The following ITGA10 variants were observed in gnomAD, a reference collection of about 807,000 sequenced individuals.
ITGA10 encodes integrin subunit alpha 10.
A neutral mutation model predicts 145.2 loss-of-function variants in ITGA10; 105 were observed. The ratio of observed to expected loss-of-function variants is 0.72; its 90% confidence interval spans 0.62 to 0.85. The LOEUF (loss-of-function observed/expected upper bound fraction) is 0.85. Ranked by LOEUF, ITGA10 falls within the 40% of genes least tolerant of loss-of-function variation. The pLI is 0.00. For synonymous variants in ITGA10, 506 were observed against 557.8 expected, an observed-to-expected ratio of 0.91 and a Z score of 1.31; for missense variants, 1,317 against 1,444.5, an observed-to-expected ratio of 0.91 and a Z score of 1.43.
In ITGA10 at chr1:145,901,934, G is replaced by A. The variant is rs1227755319; in HGVS notation, c.1237C>T (p.Arg413Ter). The part of the protein sequence containing the change: ...LEGGHRLFPP[R>*]MALEDEFPPA... ...GGGAACTCGTCTTCCAGTGCCATTC[G>A]TGGGGGGAAAAGGCGGTGGCCTCCT... is the stretch of plus-strand genomic sequence containing the variant. The change falls in exon 11 of 30, where the codon CGA becomes TGA. Residue 413 changes from arginine (R) to a stop codon, truncating the protein, a stop_gained. Transcript: ENST00000369304. LOFTEE classifies it high-confidence loss of function. The surrounding 1 kb of genome is among the most constrained non-coding windows in gnomAD (Gnocchi z 4.3). The A allele has an allele frequency of 1.1e-5, 18 of 1,614,026 alleles. No homozygotes were observed. The highest frequency in any genetic ancestry group is 5.3e-5 in the African/African-American group (4 of 74,910).
chr1:145,896,433 G>C (rs1655415988), intron 23 of ITGA10, 81 bp from the exon 24 acceptor site: 1 of 1,082,682 alleles, frequency 9.2e-7, no homozygotes, highest in Non-Finnish European at 1.4e-6. Flanking sequence ...CACAGACGTG[G>C]ATTCAGAGGA....
intron 16 of ITGA10, 38 bp from the exon 17 acceptor site, chr1:145,899,116 C>G (rs781964302): frequency 6.8e-6 from 11 of 1,614,216 alleles, no homozygotes; most frequent in Non-Finnish European, 7.6e-6. Context: ...GGAAAGGGGT[C>G]TAGTGAGGAA....
At position 145,895,296 on chromosome 1, in the gene ITGA10, T is replaced by A. The variant is rs1188514231; in HGVS notation, c.3212A>T (p.Asn1071Ile). Residue 1071 changes from asparagine (N) to isoleucine (I), a missense_variant, in exon 27 of 30, where the codon AAT becomes ATT. Coordinates refer to ENST00000369304, the MANE Select transcript of ITGA10 (RefSeq NM_003637.5). Reference sequence around the variant, plus strand: ...AAGGCTTACTCTTCGGAAAAATTCATTGTGAACCAGCCTCAATAGTCCAAC... The same window carrying A: ...AAGGCTTACTCTTCGGAAAAATTCAATGTGAACCAGCCTCAATAGTCCAAC... Reference protein sequence around the residue: ...VSVGLLRLVHNEFFRRAKFKS... With the variant: ...VSVGLLRLVHIEFFRRAKFKS... 6.2e-7 allele frequency: 1 copy of A among 1,613,686 alleles called. No individual in the cohort carries two copies. Among genetic ancestry groups the A allele is most frequent in the East Asian group, 2.2e-5 (1 of 44,876 alleles).
Position 145,896,302 on chromosome 1 carries a change from A to C in ITGA10, c.2885T>G (p.Val962Gly). ...GGTTTTGAATTCTGGGCCAGGACCC[A>C]CTGGGAGGGTCCCATATGGGTGAAC... is the stretch of plus-strand genomic sequence containing the variant. ...YEVHPYGTLP[V>G]GPGPEFKTTL... Residue 962 changes from valine (V) to glycine (G), a missense_variant, in exon 24 of 30, where the codon GTG (valine) becomes GGG (glycine). Coordinates refer to ENST00000369304, the MANE Select transcript of ITGA10 (RefSeq NM_003637.5). The C allele has an allele frequency of 6.2e-7, 1 of 1,614,064 alleles. No homozygotes were observed. Among genetic ancestry groups the C allele is most frequent in the South Asian group, 1.1e-5 (1 of 91,084 alleles).
At position 145,902,785 on chromosome 1, in the gene ITGA10, C is replaced by G. The variant is rs138395767; in HGVS notation, c.909+26G>C. The G allele has an allele frequency of 3.3e-5, 53 of 1,594,300 alleles. No homozygotes were observed. In the African/African-American group the frequency reaches 6.3e-4, roughly 19 times the overall value. ...ACTGCCCCCCTGCCACTCCCCAACTCTTCCAGATCCAGGGTGAATTCTCAC... is the reference window on the plus strand; with the variant it reads ...ACTGCCCCCCTGCCACTCCCCAACTGTTCCAGATCCAGGGTGAATTCTCAC... On this transcript the variant is annotated intron_variant, in intron 8 of 29. Transcript: ENST00000369304.
At chr1:145,904,902 T>G in intron 5 of ITGA10, 91 bp from the exon 6 acceptor site, 3 of 1,379,460 alleles carry the variant, frequency 2.2e-6, no homozygotes, top group Non-Finnish European at 3.0e-6. Flanking sequence ...ATTTAGACAT[T>G]TATAAGGCAC....
chr1:145,898,210 T>A lies in ITGA10; in HGVS notation c.2246A>T (p.Tyr749Phe), dbSNP rs1553746125. The A allele has an allele frequency of 6.2e-7, 1 of 1,610,006 alleles. No individual in the cohort carries two copies. Among genetic ancestry groups the A allele is most frequent in the Non-Finnish European group, 8.5e-7 (1 of 1,176,248 alleles). ...CACAGTCAAGGCCACTGGCCGGAGG[T>A]AATCTGATGTATCCTGAAGGAAAAC... ...LHFHVLDTSDYLRPVALTVTF... is the reference protein window; with the variant it reads ...LHFHVLDTSDFLRPVALTVTF... Residue 749 changes from tyrosine to phenylalanine, a missense_variant, in exon 18 of 30, where the codon TAC becomes TTC. Physicochemically the swap from Tyr to Phe is conservative, Grantham distance 22. Coordinates refer to ENST00000369304, the MANE Select transcript of ITGA10 (RefSeq NM_003637.5).
intron 22 of ITGA10, 63 bp downstream of exon 22, chr1:145,896,948 C>T: frequency 6.5e-7 from 1 of 1,547,174 alleles, no homozygotes. Flanking sequence ...TTGTTCCTCC[C>T]CACCCCTCCA....
rs1027123833 is a variant in ITGA10, at chr1:145,892,963, C to G, written c.3439-100G>C. The G allele has an allele frequency of 3.7e-5, 39 of 1,042,138 alleles. No individual in the cohort carries two copies. In the African/African-American group the frequency reaches 5.3e-4, roughly 14 times the overall value. 64.6% of individuals were successfully genotyped at this position (1,042,138 alleles called of 1,614,324 possible). Reference sequence around the variant, plus strand: ...GAGGTCTTCACTTTTGTTCTGTTTCCAAAAATGGAATTCAAATTTATTTTA... The same window carrying G: ...GAGGTCTTCACTTTTGTTCTGTTTCGAAAAATGGAATTCAAATTTATTTTA... On this transcript the variant is annotated intron_variant, in intron 29 of 29. Transcript: ENST00000369304.
chr1:145,904,245 G>A (rs782143865), intron 6 of ITGA10, 45 bp from the exon 7 acceptor site: 47 of 1,593,046 alleles, frequency 3.0e-5, no homozygotes, highest in Middle Eastern at 1.7e-4. Flanking sequence ...ATGTGAGATG[G>A]GGGGAGAGGA....
intron 29 of ITGA10, 67 bp downstream of exon 29, chr1:145,893,094 G>T: frequency 2.4e-6 from 3 of 1,234,182 alleles, no homozygotes; most frequent in Non-Finnish European, 3.6e-6. Flanking sequence ...TGTTCTCTCT[G>T]CTATAATCAA....
intron 5 of ITGA10, among the ~76,000 whole-genome samples, chr1:145,905,380 C>T (rs187988186): frequency 4.0e-4 from 60 of 149,886 alleles, no homozygotes; most frequent in Admixed American, 3.7e-3. Flanking sequence ...CCTGGGTTCA[C>T]GCCATTCTCC....
intron 1 of ITGA10, 151 bp downstream of exon 1, chr1:145,909,811 GC>G: frequency 3.1e-6 from 2 of 650,674 alleles, no homozygotes; most frequent in South Asian, 3.3e-5. Context: ...GCATAAAAAT[GC>G]ACAAGGACAC....
chr1:145,904,544 T>C, intron 6 of ITGA10, 140 bp downstream of exon 6: 3 of 897,708 alleles, frequency 3.3e-6, no homozygotes, highest in Middle Eastern at 3.5e-4. Context: ...ATTTTTTTTT[T>C]CTTTCATATT....
At chr1:145,899,425 T>C (rs587606600) in intron 15 of ITGA10, 84 bp from the exon 16 acceptor site, 1 of 1,477,918 alleles carries the variant, frequency 6.8e-7, no homozygotes, top group African/African-American at 1.4e-5. Flanking sequence ...TTCCCCATGG[T>C]CAAAACAAAG....
chr1:145,898,267 G>T, intron 17 of ITGA10, 44 bp from the exon 18 acceptor site: 1 of 1,272,448 alleles, frequency 7.9e-7, no homozygotes, highest in Non-Finnish European at 1.2e-6. Context: ...CAAGGATCTT[G>T]TGATAATTGT....
At chr1:145,898,057 C>T (rs1316433359) in intron 18 of ITGA10, 53 bp downstream of exon 18, 1 of 1,404,302 alleles carries the variant, frequency 7.1e-7, no homozygotes, top group African/African-American at 1.4e-5. Flanking sequence ...CCTCCCTTTT[C>T]TCTTGAAGGA....
Position 145,901,994 on chromosome 1 carries a change from C to T in ITGA10, c.1177G>A (p.Ala393Thr). 6.2e-7 allele frequency: 1 copy of T among 1,614,080 alleles called. No individual in the cohort carries two copies. Among genetic ancestry groups the T allele is most frequent in the Middle Eastern group, 1.6e-4 (1 of 6,062 alleles). ...KDGILFGMVG[A>T]YDWGGSVLWL... ...AGCACAGAGCCTCCCCAGTCATAGGCCCCCACCATCCCAAAAAGAATCCCA... is the reference window on the plus strand; with the variant it reads ...AGCACAGAGCCTCCCCAGTCATAGGTCCCCACCATCCCAAAAAGAATCCCA... The change falls in exon 11 of 30, where the codon GCC (alanine) becomes ACC (threonine). Residue 393 changes from alanine (A) to threonine (T), a missense_variant. By Grantham distance (58) the Ala-to-Thr change is moderately conservative. Coordinates refer to ENST00000369304, the MANE Select transcript of ITGA10 (RefSeq NM_003637.5). The surrounding 1 kb of genome is among the most constrained non-coding windows in gnomAD (Gnocchi z 4.3).
At chr1:145,894,679 G>C (rs1655139456) in intron 27 of ITGA10, among the ~76,000 whole-genome samples, 1 of 152,154 alleles carries the variant, frequency 6.6e-6, no homozygotes, top group Admixed American at 6.5e-5. Flanking sequence ...GTCATATTAA[G>C]TTCAGTTTCT....
Sources: allele counts gnomAD v4.1 joint callset (sites outside exome capture counted in the v4.1 genomes callset), GRCh38; gene constraint gnomAD v4.1.1; non-coding constraint Gnocchi (gnomAD v3.1); transcripts MANE v1.5; gene names NCBI Gene and HGNC (gene_info 2026-07-23, HGNC 2026-07-21).